The following LRRC4B variants were observed in gnomAD, a reference collection of about 807,000 sequenced individuals.
The protein encoded by LRRC4B is leucine-rich repeat-containing protein 4B.
Under a neutral mutation model 7.3 loss-of-function variants are expected in LRRC4B, and 1 was observed. That is an observed-to-expected ratio of 0.14 (90% CI 0.05 to 0.65). LRRC4B has a LOEUF of 0.65. Among genes scored for constraint, LRRC4B ranks in the 30% least tolerant of loss-of-function variants. The pLI, the probability that LRRC4B is intolerant of heterozygous loss-of-function variation, is 0.84. For synonymous variants in LRRC4B, 500 were observed against 499.2 expected (o/e 1.00, Z -0.02); for missense variants, 730 against 1,041.6 (o/e 0.70, Z 4.12).
chr19:50,551,270 G>A (rs1408664832), intron 1 of LRRC4B, among the ~76,000 whole-genome samples: 11 of 151,362 alleles, frequency 7.3e-5, no homozygotes, highest in African/African-American at 2.4e-4. Flanking sequence ...CGGGGTCTCT[G>A]CCTCCCCAGT....
chr19:50,566,057 G>A (rs1982618270), intron 1 of LRRC4B, among the ~76,000 whole-genome samples: 1 of 152,126 alleles, frequency 6.6e-6, no homozygotes, highest in Admixed American at 6.6e-5. Flanking sequence ...CGGTGGCCAG[G>A]AGGAGAGGAG....
At chr19:50,554,381 C>T (rs889081138) in intron 1 of LRRC4B, among the ~76,000 whole-genome samples, 2 of 152,114 alleles carry the variant, frequency 1.3e-5, no homozygotes, top group African/African-American at 4.8e-5. Context: ...CCCAGCACCA[C>T]CCGGATGGCT....
intron 2 of LRRC4B, among the ~76,000 whole-genome samples, chr19:50,526,182 G>A (rs977845287): frequency 4.6e-5 from 7 of 152,050 alleles, no homozygotes; most frequent in Admixed American, 1.3e-4. Flanking sequence ...GAGCCCATAA[G>A]ACACAGTCTC....
At chr19:50,532,984 AC>A (rs2122831041) in intron 2 of LRRC4B, among the ~76,000 whole-genome samples, 1 of 152,216 alleles carries the variant, frequency 6.6e-6, no homozygotes, top group African/African-American at 2.4e-5. Context: ...TCTGCTTCCA[AC>A]CTATTCTGCT....
rs1003044002 is a variant in LRRC4B, at chr19:50,535,157, C to T, written c.297+13385G>A. ...TGCTGGGATTACAGGCGTGACCCAC[C>T]ACGCCCGGCCTGTTTATTTATTTAT... On this transcript the variant is annotated intron_variant, in intron 2 of 2. Transcript: ENST00000652263. 1.7e-4 allele frequency among the ~76,000 whole-genome samples: 25 copies of T among 151,152 alleles called. No homozygotes were observed. The East Asian group carries it at 2.6e-3, about 15-fold the overall frequency.
intron 1 of LRRC4B, among the ~76,000 whole-genome samples, chr19:50,558,905 G>T (rs1982370678): frequency 6.6e-6 from 1 of 152,224 alleles, no homozygotes; most frequent in South Asian, 2.1e-4. Context: ...GAATGTTATG[G>T]AGAGTCTGAG....
At chr19:50,546,385 G>A (rs925986993) in intron 2 of LRRC4B, among the ~76,000 whole-genome samples, 1 of 152,042 alleles carries the variant, frequency 6.6e-6, no homozygotes, top group South Asian at 2.1e-4. Context: ...GATTACCCTC[G>A]ACGTGGTCCA....
intron 2 of LRRC4B, among the ~76,000 whole-genome samples, chr19:50,520,885 C>T (rs1200083602): frequency 6.6e-6 from 1 of 152,114 alleles, no homozygotes; most frequent in Admixed American, 6.5e-5. Flanking sequence ...TGTTCCATTC[C>T]TGGGTATTTC....
intron 2 of LRRC4B, among the ~76,000 whole-genome samples, chr19:50,522,656 T>C (rs1481622950): frequency 6.6e-6 from 1 of 152,094 alleles, no homozygotes; most frequent in Non-Finnish European, 1.5e-5. Context: ...TTTTGTATTT[T>C]TAGTAGAGAC....
In LRRC4B at chr19:50,548,377, C is replaced by G. The variant is rs547099110; in HGVS notation, c.297+165G>C. Among the ~76,000 whole-genome samples the G allele has an allele frequency of 6.6e-6, 1 of 152,248 alleles. No homozygotes were observed. The highest frequency in any genetic ancestry group is 1.5e-5 in the Non-Finnish European group (1 of 68,046). On this transcript the variant is annotated intron_variant, in intron 2 of 2. Coordinates refer to ENST00000652263, the MANE Select transcript of LRRC4B (RefSeq NM_001080457.2). The surrounding 1 kb of genome is among the most constrained non-coding windows in gnomAD (Gnocchi z 6.8). ...AGCCCGGAGGGCCTCCACTCCACCTCGGGAGCCCGGCTCCAGCTGATAGGA... is the reference window on the plus strand; with the variant it reads ...AGCCCGGAGGGCCTCCACTCCACCTGGGGAGCCCGGCTCCAGCTGATAGGA...
chr19:50,559,587 C>T (rs539362655), intron 1 of LRRC4B, among the ~76,000 whole-genome samples: 1 of 152,322 alleles, frequency 6.6e-6, no homozygotes, highest in South Asian at 2.1e-4. Flanking sequence ...TATTTGTTGC[C>T]AAGGCTCAGG....
At chr19:50,545,264 G>C (rs988700758) in intron 2 of LRRC4B, among the ~76,000 whole-genome samples, 1 of 151,832 alleles carries the variant, frequency 6.6e-6, no homozygotes, top group South Asian at 2.1e-4. Flanking sequence ...AAAATTAGCC[G>C]GGCGTGGTGG....
In LRRC4B at chr19:50,563,652, C is replaced by T. The variant is rs182290574; in HGVS notation, c.-36+4292G>A. Reference sequence around the variant, plus strand: ...TACAGAGAAGCCCACCCCCTGCCTACGGGCTGTGATGCCACATGCTGGGGA... The same window carrying T: ...TACAGAGAAGCCCACCCCCTGCCTATGGGCTGTGATGCCACATGCTGGGGA... On this transcript the variant is annotated intron_variant, in intron 1 of 2. Transcript: ENST00000652263. This position sits in a 1 kb window ranked among gnomAD's most constrained non-coding sequence, Gnocchi z 4.9. 6.6e-5 allele frequency among the ~76,000 whole-genome samples: 10 copies of T among 152,316 alleles called. No homozygotes were observed. Among genetic ancestry groups the T allele is most frequent in the Admixed American group, 2.6e-4 (4 of 15,292 alleles).
intron 2 of LRRC4B, among the ~76,000 whole-genome samples, chr19:50,525,154 C>T (rs1344078013): frequency 6.6e-6 from 1 of 152,148 alleles, no homozygotes; most frequent in Non-Finnish European, 1.5e-5. Context: ...ATCCCGCCTC[C>T]CCCGTCCTGG....
Position 50,517,667 on chromosome 19 carries a change from G to C in LRRC4B, c.2046C>G (p.Gly682=). ...AHYSSNPSGG[G]CGGKGPPGLN... Reference sequence around the variant, plus strand: ...GGCCAGGCGGGCCTTTGCCCCCGCAGCCCCCGCCGCTGGGGTTGCTGCTGT... The same window carrying C: ...GGCCAGGCGGGCCTTTGCCCCCGCACCCCCCGCCGCTGGGGTTGCTGCTGT... Residue 682 remains glycine, a synonymous_variant, in exon 3 of 3, where the codon GGC becomes GGG. Transcript: ENST00000652263. The surrounding 1 kb of genome is among the most constrained non-coding windows in gnomAD (Gnocchi z 6.6). 6.6e-7 allele frequency: 1 copy of C among 1,521,856 alleles called. No homozygotes were observed. Among genetic ancestry groups the C allele is most frequent in the Middle Eastern group, 1.9e-4 (1 of 5,368 alleles). 94.3% of individuals were successfully genotyped at this position (1,521,856 alleles called of 1,614,324 possible).
At chr19:50,547,799 C>T (rs925017476) in intron 2 of LRRC4B, among the ~76,000 whole-genome samples, 1 of 151,512 alleles carries the variant, frequency 6.6e-6, no homozygotes, top group African/African-American at 2.4e-5. Flanking sequence ...AGCTCTGTCC[C>T]CCCAAGCCCT....
intron 2 of LRRC4B, among the ~76,000 whole-genome samples, chr19:50,540,606 T>A (rs1981496206): frequency 6.6e-6 from 1 of 151,920 alleles, no homozygotes; most frequent in South Asian, 2.1e-4. Context: ...TCCACCCACC[T>A]CAGCCTCCCA....
chr19:50,527,491 T>G (rs1209613376), intron 2 of LRRC4B, among the ~76,000 whole-genome samples: 3 of 151,734 alleles, frequency 2.0e-5, no homozygotes, highest in Non-Finnish European at 2.9e-5. Context: ...GTGGCTTGCT[T>G]TTTTACAAAA....
In LRRC4B at chr19:50,555,766, A is replaced by AT. The variant is rs139405734; in HGVS notation, c.-35-6894dup. The AT allele has an allele frequency of 7.2e-3, 1,078 of 150,378 alleles. 9 individuals are homozygous for AT. Among genetic ancestry groups the AT allele is most frequent in the African/African-American group, 0.025 (1,018 of 40,892 alleles). The allele number at this position is 150,378 out of a possible 1,614,324, so 9.3% of individuals were successfully genotyped here. On this transcript the variant is annotated intron_variant, in intron 1 of 2. Transcript: ENST00000652263. This position sits in a 1 kb window ranked among gnomAD's most constrained non-coding sequence, Gnocchi z 5.2. ...GGGAACGTTCCTGTCAGGCGCACTC[A>AT]TTTTTTGGGGTGGGGTGGGGGGCTA...
Sources: gnomAD v4.1 joint callset for allele counts (sites outside exome capture counted in the v4.1 genomes callset) on GRCh38, gnomAD v4.1.1 for gene constraint, Gnocchi (gnomAD v3.1) non-coding constraint, MANE v1.5 for transcripts, NCBI Gene and HGNC (gene_info 2026-07-23, HGNC 2026-07-21) for gene names.